CREBZF: variants seen among roughly 807,000 people sequenced by gnomAD.
The protein encoded by CREBZF is CREB/ATF bZIP transcription factor.
In CREBZF, 8 loss-of-function variants were observed where a neutral mutation model predicts 21.1. That is an observed-to-expected ratio of 0.38 (90% CI 0.22 to 0.68). The LOEUF is 0.68. Ranked by LOEUF, CREBZF falls within the 30% of genes least tolerant of loss-of-function variation. The pLI is 0.51. For synonymous variants in CREBZF, 270 were observed against 223.3 expected, an observed-to-expected ratio of 1.21 and a Z score of -1.86; for missense variants, 518 against 484.3, an observed-to-expected ratio of 1.07 and a Z score of -0.65.
chr11:85,679,804 T>C (rs1484940301), intron 1 of CREBZF, among the ~76,000 whole-genome samples: 2 of 152,242 alleles, frequency 1.3e-5, no homozygotes, highest in East Asian at 3.8e-4. Flanking sequence ...CATATTTGGC[T>C]TTATCTAAAA....
chr11:85,680,154 C>T (rs1025223177), intron 1 of CREBZF, among the ~76,000 whole-genome samples: 6 of 152,194 alleles, frequency 3.9e-5, no homozygotes, highest in Admixed American at 2.6e-4. Flanking sequence ...CTCCCCCTTA[C>T]ACAGAATATA....
chr11:85,658,608 T>C lies in CREBZF; in HGVS notation c.*5203A>G, dbSNP rs758958749. On this transcript the variant is annotated 3_prime_UTR_variant, in exon 1 of 1. Transcript: ENST00000527447. Reference sequence around the variant, plus strand: ...CAGTCTAGTCACTGTAGACAAACTATTTAAATCTTTTATAATTTACTTTGT... The same window carrying C: ...CAGTCTAGTCACTGTAGACAAACTACTTAAATCTTTTATAATTTACTTTGT... Among the ~76,000 whole-genome samples, 9 of 151,778 alleles carry C rather than the reference T, an allele frequency of 5.9e-5. No homozygotes were observed. Among genetic ancestry groups the C allele is most frequent in the African/African-American group, 9.7e-5 (4 of 41,368 alleles).
upstream of CREBZF, among the ~76,000 whole-genome samples, chr11:85,667,670 A>C (rs1021632518): frequency 6.6e-6 from 1 of 152,058 alleles, no homozygotes; most frequent in African/African-American, 2.4e-5. Flanking sequence ...TAGTCAATTT[A>C]TCAAAGACCA....
chr11:85,669,581 G>C (rs2082897873), upstream of CREBZF, among the ~76,000 whole-genome samples: 1 of 152,120 alleles, frequency 6.6e-6, no homozygotes, highest in Admixed American at 6.6e-5. Context: ...ATGCTATACA[G>C]AGATTTGTTA....
intron 1 of CREBZF, among the ~76,000 whole-genome samples, chr11:85,673,810 A>G (rs958248955): frequency 6.6e-6 from 1 of 152,234 alleles, no homozygotes. Flanking sequence ...TTTATGTAAT[A>G]TTCTAAATCC....
rs1317616986 is a variant in CREBZF, at chr11:85,659,553, T to G, written c.*4258A>C. 6.6e-6 allele frequency among the ~76,000 whole-genome samples: 1 copy of G among 152,084 alleles called. No individual in the cohort carries two copies. Among genetic ancestry groups the G allele is most frequent in the Non-Finnish European group, 1.5e-5 (1 of 67,932 alleles). ...AGTTTTGAATAATACAATAACCAACTGTATATTTATTATGAAGTAAAAGCC... is the reference window on the plus strand; with the variant it reads ...AGTTTTGAATAATACAATAACCAACGGTATATTTATTATGAAGTAAAAGCC... On this transcript the variant is annotated 3_prime_UTR_variant, in exon 1 of 1. Coordinates refer to ENST00000527447, the MANE Select transcript of CREBZF (RefSeq NM_001039618.4).
intron 1 of CREBZF, among the ~76,000 whole-genome samples, chr11:85,675,119 T>C (rs913495009): frequency 6.6e-6 from 1 of 152,218 alleles, no homozygotes; most frequent in South Asian, 2.1e-4. Flanking sequence ...ATGTTTTATT[T>C]TCCTATCATT....
In CREBZF at chr11:85,664,751, TC is replaced by T; in HGVS notation, c.124del (p.Glu42ArgfsTer126). ...PSDLTRAAAG[E>X]EETAAAGSPG... is the part of the protein sequence containing the mutation. ...AGATCCGGCCGCCGCCGTCTCCTCCTCCCCCGCTGCAGCCCGGGTCAGGTCA... is the reference window on the plus strand; with the variant it reads ...AGATCCGGCCGCCGCCGTCTCCTCCTCCCCGCTGCAGCCCGGGTCAGGTCA... On this transcript the variant is annotated frameshift_variant, in exon 1 of 1. Transcript: ENST00000527447. LOFTEE classifies it high-confidence loss of function. The surrounding 1 kb of genome is among the most constrained non-coding windows in gnomAD (Gnocchi z 5.5). 2 of 1,607,946 alleles carry T rather than the reference TC, an allele frequency of 1.2e-6. No individual in the cohort carries two copies. The highest frequency in any genetic ancestry group is 1.1e-5 in the South Asian group (1 of 90,794).
chr11:85,668,724 C>T (rs1343269673), upstream of CREBZF, among the ~76,000 whole-genome samples: 5 of 152,006 alleles, frequency 3.3e-5, no homozygotes, highest in East Asian at 5.8e-4. Context: ...AACATGCGGC[C>T]GGGCGCGGTG....
At chr11:85,670,791 G>A (rs988917987) in intron 1 of CREBZF, among the ~76,000 whole-genome samples, 1 of 152,166 alleles carries the variant, frequency 6.6e-6, no homozygotes, top group African/African-American at 2.4e-5. Context: ...AGATTAGATT[G>A]CGTCCCTCAA....
At chr11:85,667,847 G>C (rs1284421223), upstream of CREBZF, among the ~76,000 whole-genome samples, 1 of 152,138 alleles carries the variant, frequency 6.6e-6, no homozygotes, top group Non-Finnish European at 1.5e-5. Context: ...GCACATGCCT[G>C]TAATCCCAGC....
chr11:85,682,625 CAGACGCGCTCTT>C, intron 1 of CREBZF: 1 of 375,866 alleles, frequency 2.7e-6, no homozygotes, highest in South Asian at 3.0e-5. Flanking sequence ...CGCGATCTTC[CAGACGCGCTCTT>C]CCCCCATATA....
At chr11:85,680,529 T>C (rs1383551606) in intron 1 of CREBZF, among the ~76,000 whole-genome samples, 3 of 152,192 alleles carry the variant, frequency 2.0e-5, no homozygotes, top group Non-Finnish European at 4.4e-5. Context: ...GAGGGCACCG[T>C]AGTCAGTTGA....
At position 85,662,124 on chromosome 11, in the gene CREBZF, G is replaced by A. The variant is rs1214071677; in HGVS notation, c.*1687C>T. 2.4e-6 allele frequency: 1 copy of A among 408,414 alleles called. No individual in the cohort carries two copies. The highest frequency in any genetic ancestry group is 4.7e-6 in the Non-Finnish European group (1 of 211,658). The allele number at this position is 408,414 out of a possible 1,614,324, so 25.3% of individuals were successfully genotyped here. A position where few individuals can be genotyped will look rare whatever the true frequency, so the allele number is the denominator to read the frequency against. ...CCATTCATGCTCAAGTGCAGTAGTA[G>A]ATGATTTTACAAAATATGCTGTGAT... On this transcript the variant is annotated 3_prime_UTR_variant, in exon 1 of 1. Coordinates refer to ENST00000527447, the MANE Select transcript of CREBZF (RefSeq NM_001039618.4).
At chr11:85,673,237 G>C (rs1227618033) in intron 1 of CREBZF, among the ~76,000 whole-genome samples, 1 of 152,194 alleles carries the variant, frequency 6.6e-6, no homozygotes, top group East Asian at 1.9e-4. Context: ...TTCTATAGCA[G>C]AGAATTGGAG....
chr11:85,658,469 A>G lies in CREBZF; in HGVS notation c.*5342T>C, dbSNP rs921531436. Reference sequence around the variant, plus strand: ...AAATCATGTTAAGTCTGTTGCTACAAATTTACTTTGCCAAAATTTTTGTTC... The same window carrying G: ...AAATCATGTTAAGTCTGTTGCTACAGATTTACTTTGCCAAAATTTTTGTTC... On this transcript the variant is annotated 3_prime_UTR_variant, in exon 1 of 1. Transcript: ENST00000527447. Among the ~76,000 whole-genome samples the G allele has an allele frequency of 4.6e-5, 7 of 152,052 alleles. No individual in the cohort carries two copies. The highest frequency in any genetic ancestry group is 1.0e-4 in the Non-Finnish European group (7 of 67,902).
At position 85,672,300 on chromosome 11, in the gene CREBZF, G is replaced by A. The variant is rs570721544; in HGVS notation, n.148-8699C>T. On this transcript the variant is annotated intron_variant and non_coding_transcript_variant, in intron 1 of 3. Transcript: ENST00000531515. The stretch of plus-strand genomic sequence containing the variant: ...AACCATTTTCTGTTCCTAGGCCTCT[G>A]GGCCTGTCATGGGTGGGGCTGCCTC... Among the ~76,000 whole-genome samples, 3 of 152,336 alleles carry A rather than the reference G, an allele frequency of 2.0e-5. No individual in the cohort carries two copies. In the South Asian group the frequency reaches 6.2e-4, roughly 32 times the overall value.
rs74341303 is a variant in CREBZF at position 85,658,303 on chromosome 11, T to G, written c.*5508A>C. Among the ~76,000 whole-genome samples, 1,175 of 152,148 alleles carry G rather than the reference T, an allele frequency of 7.7e-3. 15 individuals carry two copies. Among genetic ancestry groups the G allele is most frequent in the African/African-American group, 0.027 (1,111 of 41,554 alleles). Reference sequence around the variant, plus strand: ...TATCTTTAAACATTCCTAGTCCAATTACTCCCTAGCATAATACCATTTATA... The same window carrying G: ...TATCTTTAAACATTCCTAGTCCAATGACTCCCTAGCATAATACCATTTATA... On this transcript the variant is annotated 3_prime_UTR_variant, in exon 1 of 1. Coordinates refer to ENST00000527447, the MANE Select transcript of CREBZF (RefSeq NM_001039618.4).
chr11:85,672,325 C>G (rs116358749), intron 1 of CREBZF, among the ~76,000 whole-genome samples: 6 of 152,166 alleles, frequency 3.9e-5, no homozygotes, highest in Admixed American at 1.3e-4. Flanking sequence ...GGGGCTGCCT[C>G]GAAGGTCTCT....
Sources: allele counts gnomAD v4.1 joint callset (sites outside exome capture counted in the v4.1 genomes callset), GRCh38; gene constraint gnomAD v4.1.1; non-coding constraint Gnocchi (gnomAD v3.1); transcripts MANE v1.5; gene names NCBI Gene and HGNC (gene_info 2026-07-23, HGNC 2026-07-21).